DEFA6: variants seen among roughly 807,000 people sequenced by gnomAD.
The protein encoded by DEFA6 is defensin alpha 6, also known as defensin-6.
A neutral mutation model predicts 5.1 loss-of-function variants in DEFA6; 8 were observed. That is an observed-to-expected ratio of 1.57 (90% confidence interval 0.92 to 2.83). The LOEUF is 2.83. DEFA6 is among the 30% of genes most tolerant of loss of function. The pLI, the probability that DEFA6 is intolerant of heterozygous loss-of-function variation, is 0.00. For missense variants in DEFA6, 191 were observed against 119.1 expected (o/e 1.60, Z -2.81); for synonymous variants, 74 against 45.3 (o/e 1.63, Z -2.54).
At position 6,924,813 on chromosome 8, in the gene DEFA6, A is replaced by G. The variant is rs754089949; in HGVS notation, c.*5T>C. ...TATGAATATATTTCTCTCTGTTCTC[A>G]TCCCTCAGAGGCAGCAGAATCTGTG... On this transcript the variant is annotated 3_prime_UTR_variant, in exon 2 of 2. Coordinates refer to ENST00000297436, the MANE Select transcript of DEFA6 (RefSeq NM_001926.4). The G allele has an allele frequency of 4.0e-5, 64 of 1,580,330 alleles. No homozygotes were observed. Among genetic ancestry groups the G allele is most frequent in the South Asian group, 1.2e-4 (11 of 89,514 alleles).
intron 1 of DEFA6, 57 bp downstream of exon 1, chr8:6,925,786 A>G: frequency 6.8e-7 from 1 of 1,477,362 alleles, no homozygotes; most frequent in Non-Finnish European, 9.1e-7. Flanking sequence ...ATCTAATTCT[A>G]GAAGTGCTTG....
chr8:6,925,487 A>G (rs911516323), intron 1 of DEFA6, among the ~76,000 whole-genome samples: 1 of 152,212 alleles, frequency 6.6e-6, no homozygotes, highest in Admixed American at 6.5e-5. Context: ...AGATAGTGCC[A>G]CTGCACTCCA....
Position 6,924,933 on chromosome 8 carries a change from G to T in DEFA6, c.194-6C>A. ...AGTGAAAGCCCTTGTTGAGCCTGGG[G>T]ACAGAGAGAGAGAGCATCAGAAATT... On this transcript the variant is annotated splice_region_variant and splice_polypyrimidine_tract_variant and intron_variant, in intron 1 of 1. Transcript: ENST00000297436. 1 of 1,590,526 alleles carries T rather than the reference G, an allele frequency of 6.3e-7. No homozygotes were observed. The highest frequency in any genetic ancestry group is 1.1e-5 in the South Asian group (1 of 89,844).
At chr8:6,925,456 G>T (rs1415087573) in intron 1 of DEFA6, among the ~76,000 whole-genome samples, 1 of 152,166 alleles carries the variant, frequency 6.6e-6, no homozygotes, top group East Asian at 1.9e-4. Flanking sequence ...GAACCCAGGA[G>T]GCAGAGGTTG....
At chr8:6,925,260 C>T (rs1808392095) in intron 1 of DEFA6, among the ~76,000 whole-genome samples, 1 of 152,180 alleles carries the variant, frequency 6.6e-6, no homozygotes, top group Non-Finnish European at 1.5e-5. Flanking sequence ...GTGGCTTACG[C>T]CTGTAATCCC....
rs1808369494 is a variant in DEFA6, at chr8:6,924,846, C to T, written c.275G>A (p.Gly92Asp). The change falls in exon 2 of 2, where the codon GGT (glycine) becomes GAT (aspartate). Residue 92 changes from glycine to aspartate, a missense_variant. Gly to Asp is a moderately conservative substitution (Grantham distance 94). Transcript: ENST00000297436. ...GAGGCAGCAGAATCTGTGGTTAATA[C>T]CCATGACAGTGCAGGTCCCATAGGA... ...EYSYGTCTVM[G>D]INHRFCCL 1.9e-6 allele frequency: 3 copies of T among 1,610,618 alleles called. No individual in the cohort carries two copies. Among genetic ancestry groups the T allele is most frequent in the Non-Finnish European group, 2.5e-6 (3 of 1,177,082 alleles).
chr8:6,925,701 C>T (rs1244649374), intron 1 of DEFA6, 142 bp downstream of exon 1: 2 of 578,686 alleles, frequency 3.5e-6, no homozygotes, highest in Non-Finnish European at 5.5e-6. Flanking sequence ...ATCACTGATT[C>T]TTCCTTTTCA....
At position 6,925,895 on chromosome 8, in the gene DEFA6, C is replaced by A. The variant is rs969213881; in HGVS notation, c.141G>T (p.Gln47His). The change falls in exon 1 of 2, where the codon CAG becomes CAT. Residue 47 changes from glutamine to histidine, a missense_variant. By Grantham distance (24) the Gln-to-His change is conservative. Coordinates refer to ENST00000297436, the MANE Select transcript of DEFA6 (RefSeq NM_001926.4). ...CCTCTGCAAAGGAGACGGCAAAGTC[C>A]TGGTCATTTGCCCCACGCTGCTCCT... ...DAQEQRGAND[Q>H]DFAVSFAEDA... 3 of 1,614,006 alleles carry A rather than the reference C, an allele frequency of 1.9e-6. No homozygotes were observed. Among genetic ancestry groups the A allele is most frequent in the Non-Finnish European group, 2.5e-6 (3 of 1,180,040 alleles).
rs1445146781 is a variant in DEFA6 at position 6,924,771 on chromosome 8, T to A, written c.*47A>T. 2.2e-6 allele frequency: 3 copies of A among 1,362,904 alleles called. No homozygotes were observed. The allele number at this position is 1,362,904 out of a possible 1,614,324, so 84.4% of individuals were successfully genotyped here. ...TATAGGACACACGACAGTTTCCTTC[T>A]AGGTCATAAAGTAAATTATGAATAT... On this transcript the variant is annotated 3_prime_UTR_variant, in exon 2 of 2. Coordinates refer to ENST00000297436, the MANE Select transcript of DEFA6 (RefSeq NM_001926.4).
Position 6,925,824 on chromosome 8 carries a change from C to A in DEFA6, c.193+19G>T, listed in dbSNP as rs1483314087. On this transcript the variant is annotated intron_variant, in intron 1 of 1. Transcript: ENST00000297436. ...TTTCCTCTCTACACTCCTAGCTCTGCAATGCTGGTGTCTCTTACCCAAAGC... is the reference window on the plus strand; with the variant it reads ...TTTCCTCTCTACACTCCTAGCTCTGAAATGCTGGTGTCTCTTACCCAAAGC... The A allele has an allele frequency of 6.3e-7, 1 of 1,595,516 alleles. No individual in the cohort carries two copies. Among genetic ancestry groups the A allele is most frequent in the South Asian group, 1.1e-5 (1 of 87,046 alleles).
chr8:6,925,756 G>C, intron 1 of DEFA6, 87 bp downstream of exon 1: 1 of 1,236,922 alleles, frequency 8.1e-7, no homozygotes, highest in Non-Finnish European at 1.1e-6. Context: ...GATCACCTAA[G>C]AGAAAGAGCC....
chr8:6,925,736 C>T, intron 1 of DEFA6, 107 bp downstream of exon 1: 2 of 895,260 alleles, frequency 2.2e-6, no homozygotes, highest in South Asian at 2.0e-5. Flanking sequence ...TAATTGAGGC[C>T]TGGGGAGGTG....
chr8:6,925,449 C>T (rs1808397903), intron 1 of DEFA6, among the ~76,000 whole-genome samples: 1 of 152,204 alleles, frequency 6.6e-6, no homozygotes, highest in Non-Finnish European at 1.5e-5. Context: ...ATTGCGTGAA[C>T]CCAGGAGGCA....
chr8:6,924,901 A>T lies in DEFA6; in HGVS notation c.220T>A (p.Cys74Ser). 6.2e-7 allele frequency: 1 copy of T among 1,610,074 alleles called. No homozygotes were observed. The highest frequency in any genetic ancestry group is 8.5e-7 in the Non-Finnish European group (1 of 1,176,714). The change falls in exon 2 of 2, where the codon TGC becomes AGC. Residue 74 changes from cysteine (C) to serine (S), a missense_variant. Transcript: ENST00000297436. The stretch of plus-strand genomic sequence containing the variant: ...TCTGTTGAATAACAGGACCTTCTGC[A>T]ATGGCAAGTGAAAGCCCTTGTTGAG... Reference protein sequence around the residue: ...LGSTRAFTCHCRRSCYSTEYS... With the variant: ...LGSTRAFTCHSRRSCYSTEYS...
Position 6,925,912 on chromosome 8 carries a change from G to A in DEFA6, c.124C>T (p.Arg42Cys), listed in dbSNP as rs1260461745. The A allele has an allele frequency of 6.5e-5, 105 of 1,614,122 alleles. No homozygotes were observed. The highest frequency in any genetic ancestry group is 1.6e-4 in the Middle Eastern group (1 of 6,062). Residue 42 changes from arginine (R) to cysteine (C), a missense_variant, in exon 1 of 2, where the codon CGT becomes TGT. Arg to Cys is a radical substitution (Grantham distance 180, BLOSUM62 -3). Transcript: ENST00000297436. ...GCAAAGTCCTGGTCATTTGCCCCACGCTGCTCCTGGGCATCAGCCTCATAA... is the reference window on the plus strand; with the variant it reads ...GCAAAGTCCTGGTCATTTGCCCCACACTGCTCCTGGGCATCAGCCTCATAA... ...KAYEADAQEQ[R>C]GANDQDFAVS...
Position 6,924,858 on chromosome 8 carries a change from CA to C in DEFA6, c.262del (p.Cys88AlafsTer16). ...TCTGTGGTTAATACCCATGACAGTG[CA>C]GGTCCCATAGGAATATTCTGTTGAA... ...CYSTEYSYGT[C>X]TVMGINHRFC... On this transcript the variant is annotated frameshift_variant, in exon 2 of 2. Transcript: ENST00000297436. LOFTEE classifies it low-confidence loss of function (END_TRUNC). 1 of 1,611,590 alleles carries C rather than the reference CA, an allele frequency of 6.2e-7. No individual in the cohort carries two copies. The highest frequency in any genetic ancestry group is 8.5e-7 in the Non-Finnish European group (1 of 1,177,902).
chr8:6,925,734 G>T (rs1293989326), intron 1 of DEFA6, 109 bp downstream of exon 1: 4 of 850,724 alleles, frequency 4.7e-6, no homozygotes, highest in East Asian at 2.7e-5. Flanking sequence ...AGTAATTGAG[G>T]CCTGGGGAGG....
At position 6,924,758 on chromosome 8, in the gene DEFA6, G is replaced by C. The variant is rs1442974308; in HGVS notation, c.*60C>G. 2.5e-6 allele frequency: 3 copies of C among 1,217,264 alleles called. No individual in the cohort carries two copies. Among genetic ancestry groups the C allele is most frequent in the Non-Finnish European group, 3.6e-6 (3 of 843,842 alleles). The allele number at this position is 1,217,264 out of a possible 1,614,324, so 75.4% of individuals were successfully genotyped here. A position where few individuals can be genotyped will look rare whatever the true frequency, so the allele number is the denominator to read the frequency against. On this transcript the variant is annotated 3_prime_UTR_variant, in exon 2 of 2. Transcript: ENST00000297436. ...GTTGATGGCAATGTATAGGACACAC[G>C]ACAGTTTCCTTCTAGGTCATAAAGT...
chr8:6,924,977 C>T (rs186037043), intron 1 of DEFA6, 50 bp from the exon 2 acceptor site: 119 of 1,280,020 alleles, frequency 9.3e-5, no homozygotes, highest in Middle Eastern at 1.9e-4. Context: ...GGGTCAGCAG[C>T]GGGCAGTAAA....
Sources: allele counts gnomAD v4.1 joint callset (sites outside exome capture counted in the v4.1 genomes callset), GRCh38; gene constraint gnomAD v4.1.1; transcripts MANE v1.5; gene names NCBI Gene and HGNC (gene_info 2026-07-23, HGNC 2026-07-21).